The following TMEM106C variants were observed in gnomAD, a reference collection of about 807,000 sequenced individuals.
TMEM106C encodes the protein transmembrane protein 106C.
A neutral mutation model predicts 30.8 loss-of-function variants in TMEM106C; 27 were observed. The observed-to-expected ratio is 0.88, with a 90% CI of 0.65 to 1.21. TMEM106C has a LOEUF of 1.21. Among genes scored for constraint, TMEM106C ranks in the 50% most tolerant of loss-of-function variants. TMEM106C has a pLI of 0.00. For synonymous variants in TMEM106C, 123 were observed against 118.8 expected, an observed-to-expected ratio of 1.04 and a Z score of -0.23; for missense variants, 288 against 307.8, an observed-to-expected ratio of 0.94 and a Z score of 0.48.
intron 7 of TMEM106C, among the ~76,000 whole-genome samples, chr12:47,967,773 G>A (rs1938288811): frequency 6.6e-6 from 1 of 152,148 alleles, no homozygotes; most frequent in Non-Finnish European, 1.5e-5. Context: ...GTTGTAGGGG[G>A]CTGTTCTGTG....
rs924963966 is a variant in TMEM106C at position 47,966,437 on chromosome 12, T to C, written c.552+208T>C. The C allele has an allele frequency of 8.5e-6, 6 of 707,570 alleles. No individual in the cohort carries two copies. The East Asian group carries it at 1.6e-4, about 19-fold the overall frequency. The allele number at this position is 707,570 out of a possible 1,614,324, so 43.8% of individuals were successfully genotyped here. ...TAAGCATTTGGGGAGCAGAATAATT[T>C]GTAAGAGACAAAGATTTGCTACAAA... On this transcript the variant is annotated intron_variant, in intron 5 of 7. Transcript: ENST00000429772.
chr12:47,968,308 A>AC lies in TMEM106C; in HGVS notation c.*84dup. On this transcript the variant is annotated 3_prime_UTR_variant, in exon 8 of 8. Coordinates refer to ENST00000429772, the MANE Select transcript of TMEM106C (RefSeq NM_001143842.2). Reference sequence around the variant, plus strand: ...TTCCCAAGGCCTGAGTTCTGGACCTACCCCCACGTGGTGTAAGCAGAGGAG... The same window carrying AC: ...TTCCCAAGGCCTGAGTTCTGGACCTACCCCCCACGTGGTGTAAGCAGAGGAG... The AC allele has an allele frequency of 9.0e-7, 1 of 1,116,566 alleles. No individual in the cohort carries two copies. The highest frequency in any genetic ancestry group is 2.4e-5 in the East Asian group (1 of 42,188). 69.2% of individuals were successfully genotyped at this position (1,116,566 alleles called of 1,614,324 possible). A position where few individuals can be genotyped will look rare whatever the true frequency, so the allele number is the denominator to read the frequency against.
intron 3 of TMEM106C, 163 bp from the exon 4 acceptor site, chr12:47,965,675 A>G: frequency 1.1e-6 from 1 of 913,378 alleles, no homozygotes. Context: ...AAGGAGTTTT[A>G]AAAGGTTTCT....
Position 47,965,829 on chromosome 12 carries a change from C to G in TMEM106C, c.252-9C>G. ...TGCCTGGGTCGGTCATGTGCTGTGT[C>G]ATTTGCAGTAAGCAATATGTCCTCC... On this transcript the variant is annotated splice_polypyrimidine_tract_variant and intron_variant, in intron 3 of 7. Transcript: ENST00000429772. 6.2e-7 allele frequency: 1 copy of G among 1,614,084 alleles called. No individual in the cohort carries two copies. The highest frequency in any genetic ancestry group is 8.5e-7 in the Non-Finnish European group (1 of 1,179,984).
In TMEM106C at chr12:47,964,295, A is replaced by T; in HGVS notation, c.59A>T (p.Asp20Val). 2 of 1,614,122 alleles carry T rather than the reference A, an allele frequency of 1.2e-6. No individual in the cohort carries two copies. Among genetic ancestry groups the T allele is most frequent in the South Asian group, 1.1e-5 (1 of 91,054 alleles). ...TCCTCCTGCAGGCGAAAGCAAGAAGATGACAGGGACGGTTTGCTGGCTGAA... is the reference window on the plus strand; with the variant it reads ...TCCTCCTGCAGGCGAAAGCAAGAAGTTGACAGGGACGGTTTGCTGGCTGAA... The part of the protein sequence containing the change: ...RPSSCRRKQE[D>V]DRDGLLAERE... The change falls in exon 2 of 8, where the codon GAT becomes GTT. Residue 20 changes from aspartate to valine, a missense_variant. Asp to Val is a radical substitution (Grantham distance 152). Coordinates refer to ENST00000429772, the MANE Select transcript of TMEM106C (RefSeq NM_001143842.2).
At chr12:47,964,714 G>A (rs897538855) in intron 2 of TMEM106C, 20 of 418,714 alleles carry the variant, frequency 4.8e-5, no homozygotes, top group East Asian at 3.0e-4. Context: ...TTTCTTTATC[G>A]CTGTCACAAG....
At chr12:47,966,505 CAAAAG>C in intron 5 of TMEM106C, 173 bp from the exon 6 acceptor site, 2 of 736,582 alleles carry the variant, frequency 2.7e-6, no homozygotes, top group Admixed American at 2.7e-5. Flanking sequence ...ATTGGCCTCT[CAAAAG>C]GGAAGAGGTT....
rs765673565 is a variant in TMEM106C, at chr12:47,968,375, T to G, written c.*146T>G. The G allele has an allele frequency of 6.7e-5, 48 of 711,484 alleles. No individual in the cohort carries two copies. The highest frequency in any genetic ancestry group is 4.3e-4 in the South Asian group (29 of 67,760). 44.1% of individuals were successfully genotyped at this position (711,484 alleles called of 1,614,324 possible). A position where few individuals can be genotyped will look rare whatever the true frequency, so the allele number is the denominator to read the frequency against. The stretch of plus-strand genomic sequence containing the variant: ...CTCCCAGCAAACATCCTCCTGCCAC[T>G]TAGGAGGAAACACCTCCCTATGGTA... On this transcript the variant is annotated 3_prime_UTR_variant, in exon 8 of 8. Coordinates refer to ENST00000429772, the MANE Select transcript of TMEM106C (RefSeq NM_001143842.2).
intron 7 of TMEM106C, 71 bp downstream of exon 7, chr12:47,967,332 C>T: frequency 1.3e-6 from 2 of 1,537,490 alleles, no homozygotes; most frequent in Non-Finnish European, 1.8e-6. Flanking sequence ...CAGGAGGCCC[C>T]TGTGTGACCA....
chr12:47,965,698 C>T (rs1938196072), intron 3 of TMEM106C, 140 bp from the exon 4 acceptor site: 2 of 1,076,276 alleles, frequency 1.9e-6, no homozygotes, highest in South Asian at 3.1e-5. Flanking sequence ...TGCTTCACTG[C>T]TTCTTAACTG....
chr12:47,968,080 G>T, intron 7 of TMEM106C, 53 bp from the exon 8 acceptor site: 1 of 1,496,710 alleles, frequency 6.7e-7, no homozygotes, highest in South Asian at 1.1e-5. Context: ...CATTTTTCTG[G>T]CTTATTTCAT....
chr12:47,963,981 G>T lies in TMEM106C; in HGVS notation c.-28-228G>T. 5.7e-6 allele frequency: 3 copies of T among 526,580 alleles called. No homozygotes were observed. In the South Asian group the frequency reaches 6.2e-5, roughly 11 times the overall value. 32.6% of individuals were successfully genotyped at this position (526,580 alleles called of 1,614,324 possible). ...GAGGATCGAGGCAGGTGCGTGAAAG[G>T]CAGGCCCCGTTCCCCCTCCCCACCC... On this transcript the variant is annotated intron_variant, in intron 1 of 7. Coordinates refer to ENST00000429772, the MANE Select transcript of TMEM106C (RefSeq NM_001143842.2).
rs945066083 is a variant in TMEM106C, at chr12:47,966,091, C to T, written c.414C>T (p.Ala138=). Residue 138 remains alanine (A), a splice_region_variant and synonymous_variant, in exon 5 of 8, where the codon GCC becomes GCT. Coordinates refer to ENST00000429772, the MANE Select transcript of TMEM106C (RefSeq NM_001143842.2). ...TTTCCTGACTTGCCCTGATGTAGGCCACCCTGAAAATCAGGAACTCCAACT... is the reference window on the plus strand; with the variant it reads ...TTTCCTGACTTGCCCTGATGTAGGCTACCCTGAAAATCAGGAACTCCAACT... ...QDSLVILTIM[A]TLKIRNSNFY... 3.1e-6 allele frequency: 5 copies of T among 1,614,230 alleles called. No homozygotes were observed. The highest frequency in any genetic ancestry group is 4.2e-6 in the Non-Finnish European group (5 of 1,180,046).
intron 6 of TMEM106C, 65 bp from the exon 7 acceptor site, chr12:47,967,143 T>C: frequency 1.9e-6 from 3 of 1,543,088 alleles, no homozygotes; most frequent in Non-Finnish European, 1.8e-6. Context: ...AGTGTAACTC[T>C]GCACTCTTCT....
intron 5 of TMEM106C, 187 bp downstream of exon 5, chr12:47,966,416 C>T: frequency 1.4e-6 from 1 of 737,264 alleles, no homozygotes; most frequent in Non-Finnish European, 2.2e-6. Context: ...ATCATTTAAG[C>T]ATTTGGGGAG....
intron 1 of TMEM106C, 185 bp downstream of exon 1, chr12:47,963,889 A>C: frequency 2.7e-6 from 1 of 373,144 alleles, no homozygotes; most frequent in Non-Finnish European, 5.0e-6. Context: ...AGAGCTTACA[A>C]ATAGTGAAGA....
At chr12:47,963,943 G>A (rs1938133471) in intron 1 of TMEM106C, 1 of 473,604 alleles carries the variant, frequency 2.1e-6, no homozygotes, top group South Asian at 2.1e-5. Context: ...GGTGCCCCAA[G>A]TCCCAGGGCG....
At chr12:47,965,735 T>A in intron 3 of TMEM106C, 103 bp from the exon 4 acceptor site, 1 of 1,436,688 alleles carries the variant, frequency 7.0e-7, no homozygotes. Context: ...TCTTGGAACT[T>A]CCCTTTCAGC....
In TMEM106C at chr12:47,968,395, A is replaced by C. The variant is rs1390239928; in HGVS notation, c.*166A>C. 2.9e-6 allele frequency: 2 copies of C among 691,666 alleles called. No individual in the cohort carries two copies. Among genetic ancestry groups the C allele is most frequent in the Non-Finnish European group, 5.3e-6 (2 of 379,408 alleles). 42.8% of individuals were successfully genotyped at this position (691,666 alleles called of 1,614,324 possible). On this transcript the variant is annotated 3_prime_UTR_variant, in exon 8 of 8. Transcript: ENST00000429772. ...GCCACTTAGGAGGAAACACCTCCCT[A>C]TGGTACCATTTATGTTTCTCAGAAC...
Sources: allele counts gnomAD v4.1 joint callset (sites outside exome capture counted in the v4.1 genomes callset), GRCh38; gene constraint gnomAD v4.1.1; transcripts MANE v1.5; gene names NCBI Gene and HGNC (gene_info 2026-07-23, HGNC 2026-07-21).